Variants in EYS observed in about 807,000 individuals in gnomAD.
EYS encodes protein eyes shut homolog.
A neutral mutation model predicts 282.1 loss-of-function variants in EYS; 250 were observed. That is an observed-to-expected ratio of 0.89 (90% CI 0.80 to 0.98). The LOEUF (loss-of-function observed/expected upper bound fraction) is 0.98, where lower values mean the gene tolerates loss of function less well. Ranked by LOEUF, EYS falls within the 50% of genes least tolerant of loss-of-function variation. The pLI is 0.00. For synonymous variants in EYS, 1,355 were observed against 1,282.9 expected (o/e 1.06, Z -1.20); for missense variants, 4,016 against 3,709.0 (o/e 1.08, Z -2.15).
At chr6:64,887,694 T>G (rs1767142326) in intron 18 of EYS, among the ~76,000 whole-genome samples, 1 of 152,166 alleles carries the variant, frequency 6.6e-6, no homozygotes, top group African/African-American at 2.4e-5. Context: ...TTCTTCAACC[T>G]ACATTAATTA....
intron 12 of EYS, among the ~76,000 whole-genome samples, chr6:65,212,559 A>G (rs1169358396): frequency 4.6e-5 from 7 of 152,138 alleles, no homozygotes. Flanking sequence ...ACAATTTAAA[A>G]ATAAATTTGT....
chr6:63,750,260 G>A (rs1769311046), intron 41 of EYS, among the ~76,000 whole-genome samples: 1 of 152,106 alleles, frequency 6.6e-6, no homozygotes, highest in African/African-American at 2.4e-5. Flanking sequence ...ATTCGTTAGG[G>A]TTGATTTCTG....
At chr6:65,618,650 A>C (rs1766324306) in intron 2 of EYS, among the ~76,000 whole-genome samples, 1 of 152,158 alleles carries the variant, frequency 6.6e-6, no homozygotes, top group Non-Finnish European at 1.5e-5. Context: ...CTGAATGGTA[A>C]TGCCTAGGTT....
At chr6:64,050,361 TAC>T (rs1770766755) in intron 33 of EYS, among the ~76,000 whole-genome samples, 1 of 152,206 alleles carries the variant, frequency 6.6e-6, no homozygotes, top group Non-Finnish European at 1.5e-5. Flanking sequence ...ACTTGTTTCT[TAC>T]ATTTGTCTTA....
At chr6:64,391,416 CA>C (rs1192589377) in intron 28 of EYS, among the ~76,000 whole-genome samples, 2 of 152,156 alleles carry the variant, frequency 1.3e-5, no homozygotes, top group African/African-American at 4.8e-5. Flanking sequence ...ATCAGACTAA[CA>C]GCAGATCTCT....
intron 29 of EYS, among the ~76,000 whole-genome samples, chr6:64,350,928 A>G (rs930876317): frequency 6.6e-6 from 1 of 151,404 alleles, no homozygotes; most frequent in African/African-American, 2.4e-5. Context: ...ATGGTTTTAT[A>G]AGGGGCTTTT....
chr6:65,423,177 C>T (rs576273440), intron 5 of EYS, among the ~76,000 whole-genome samples: 18 of 151,836 alleles, frequency 1.2e-4, no homozygotes, highest in South Asian at 2.1e-4. Context: ...TGGTTTTTAT[C>T]GTTGGGGCAT....
chr6:64,183,417 C>T (rs1486783820), intron 31 of EYS, among the ~76,000 whole-genome samples: 1 of 152,140 alleles, frequency 6.6e-6, no homozygotes, highest in Admixed American at 6.5e-5. Flanking sequence ...GAGGACTTTA[C>T]CTCATTTACC....
intron 11 of EYS, among the ~76,000 whole-genome samples, chr6:65,310,689 T>C (rs1769133448): frequency 6.6e-6 from 1 of 152,092 alleles, no homozygotes. Context: ...AGCAGCTCAT[T>C]TGCTAAGCAC....
At chr6:65,493,065 G>A (rs183861458) in intron 4 of EYS, among the ~76,000 whole-genome samples, 64 of 152,148 alleles carry the variant, frequency 4.2e-4, no homozygotes, top group Admixed American at 1.5e-3. Flanking sequence ...ACAGGCACCC[G>A]CCATTATGCC....
chr6:64,925,763 G>A (rs1337693948), intron 15 of EYS, among the ~76,000 whole-genome samples: 1 of 152,114 alleles, frequency 6.6e-6, no homozygotes, highest in Non-Finnish European at 1.5e-5. Context: ...GGGTTGGGTT[G>A]TAGAACATTC....
In EYS at chr6:65,234,557, GA is replaced by G. The variant is rs566237926; in HGVS notation, c.2023+61305del. On this transcript the variant is annotated intron_variant, in intron 12 of 42. Coordinates refer to ENST00000503581, the MANE Select transcript of EYS (RefSeq NM_001142800.2). ...CAGCATTAAAACACATTTCCAATTT[GA>G]ATCAGATTAATTGATTTGTGATTTT... Among the ~76,000 whole-genome samples the G allele has an allele frequency of 9.7e-4, 147 of 152,236 alleles. 1 individual carries two copies. Among genetic ancestry groups the G allele is most frequent in the Middle Eastern group, 3.4e-3 (1 of 294 alleles).
chr6:64,928,586 A>G (rs972131127), intron 15 of EYS, among the ~76,000 whole-genome samples: 7 of 152,036 alleles, frequency 4.6e-5, no homozygotes, highest in African/African-American at 1.7e-4. Flanking sequence ...ATGTTTTTAC[A>G]TTTTTCTTAA....
At chr6:65,185,509 A>C (rs951600400) in intron 12 of EYS, among the ~76,000 whole-genome samples, 1 of 151,856 alleles carries the variant, frequency 6.6e-6, no homozygotes, top group Admixed American at 6.6e-5. Context: ...GAGTTTAATC[A>C]ATTTATTCTA....
intron 1 of EYS, among the ~76,000 whole-genome samples, chr6:65,701,315 A>G (rs1649812022): frequency 6.6e-6 from 1 of 152,214 alleles, no homozygotes; most frequent in South Asian, 2.1e-4. Flanking sequence ...TCACAGATGG[A>G]TAAGTATTCA....
intron 13 of EYS, among the ~76,000 whole-genome samples, chr6:65,002,506 T>C (rs1771498125): frequency 6.8e-6 from 1 of 147,662 alleles, no homozygotes; most frequent in African/African-American, 2.4e-5. Context: ...TGGGTTCTTT[T>C]ATATCTGGGT....
intron 19 of EYS, among the ~76,000 whole-genome samples, chr6:64,840,980 A>C (rs559810380): frequency 1.5e-4 from 23 of 152,268 alleles, no homozygotes; most frequent in Admixed American, 2.6e-4. Context: ...ATTAGACAGC[A>C]TTGATTAAGA....
intron 28 of EYS, among the ~76,000 whole-genome samples, chr6:64,399,051 A>G (rs1773467067): frequency 6.6e-6 from 1 of 151,840 alleles, no homozygotes; most frequent in Admixed American, 6.6e-5. Flanking sequence ...CTAAAATTTA[A>G]TGTTTGGAAA....
intron 41 of EYS, among the ~76,000 whole-genome samples, chr6:63,727,734 A>AG (rs1768669703): frequency 9.8e-5 from 9 of 92,068 alleles, no homozygotes; most frequent in Non-Finnish European, 1.8e-4. Flanking sequence ...AAAAAAAAAA[A>AG]AAAATATATA....
Sources: allele counts gnomAD v4.1 joint callset (sites outside exome capture counted in the v4.1 genomes callset), GRCh38; gene constraint gnomAD v4.1.1; transcripts MANE v1.5; gene names NCBI Gene and HGNC (gene_info 2026-07-23, HGNC 2026-07-21).